The following NAPEPLD variants were observed in gnomAD, a reference collection of about 807,000 sequenced individuals.
NAPEPLD encodes the protein N-acyl phosphatidylethanolamine phospholipase D, also known as N-acyl-phosphatidylethanolamine-hydrolyzing phospholipase D.
NAPEPLD carries 23 observed loss-of-function variants against 38.1 expected under a neutral mutation model. The ratio of observed to expected loss-of-function variants is 0.60; its 90% CI spans 0.43 to 0.86. NAPEPLD has a LOEUF of 0.86. NAPEPLD is among the 40% of genes least tolerant of loss of function. NAPEPLD has a pLI of 0.00. For synonymous variants in NAPEPLD, 147 were observed against 162.0 expected (o/e 0.91, Z 0.71); for missense variants, 411 against 476.8 (o/e 0.86, Z 1.28).
intron 2 of NAPEPLD, chr7:103,128,212 T>C (rs936194395): frequency 6.9e-6 from 3 of 437,634 alleles, no homozygotes; most frequent in Non-Finnish European, 1.2e-5. Context: ...TCACCTCCTC[T>C]GTGAAGCCAT....
intron 4 of NAPEPLD, among the ~76,000 whole-genome samples, chr7:103,109,574 A>C (rs1804097944): frequency 6.6e-6 from 1 of 152,238 alleles, no homozygotes; most frequent in Non-Finnish European, 1.5e-5. Flanking sequence ...ACAATGTACC[A>C]GAATCTCTGG....
Position 103,148,953 on chromosome 7 carries a change from A to G in NAPEPLD, c.-159T>C. On this transcript the variant is annotated 5_prime_UTR_variant, in exon 1 of 5. Coordinates refer to ENST00000465647, the MANE Select transcript of NAPEPLD (RefSeq NM_001122838.3). ...CAGCTTCAGAGATGCAGGCTCCGCA[A>G]CTCGCGAGGTGCGAAAATTCAAATG... 1 of 985,322 alleles carries G rather than the reference A, an allele frequency of 1.0e-6. No individual in the cohort carries two copies. The highest frequency in any genetic ancestry group is 1.2e-6 in the Non-Finnish European group (1 of 829,920). The allele number at this position is 985,322 out of a possible 1,614,324, so 61.0% of individuals were successfully genotyped here. A position where few individuals can be genotyped will look rare whatever the true frequency, so the allele number is the denominator to read the frequency against.
intron 4 of NAPEPLD, among the ~76,000 whole-genome samples, chr7:103,111,997 GA>G (rs201684120): frequency 9.5e-5 from 14 of 147,882 alleles, no homozygotes; most frequent in East Asian, 5.9e-4. Context: ...ACAAACATAT[GA>G]AAAAAAAAAC....
intron 3 of NAPEPLD, 93 bp from the exon 4 acceptor site, chr7:103,115,267 G>A (rs749806119): frequency 1.1e-4 from 94 of 865,496 alleles, no homozygotes; most frequent in Non-Finnish European, 1.6e-4. Context: ...AAGATTCTGC[G>A]CAGGACTATG....
At chr7:103,118,386 A>G (rs1245981223) in intron 3 of NAPEPLD, among the ~76,000 whole-genome samples, 1 of 152,244 alleles carries the variant, frequency 6.6e-6, no homozygotes, top group Non-Finnish European at 1.5e-5. Flanking sequence ...ATTATCAAGA[A>G]CCAAAAAAGG....
intron 3 of NAPEPLD, among the ~76,000 whole-genome samples, chr7:103,115,720 TGAG>T (rs1210575021): frequency 6.6e-6 from 1 of 152,150 alleles, no homozygotes; most frequent in Non-Finnish European, 1.5e-5. Flanking sequence ...TACTGCTCCT[TGAG>T]GAGCAGTGCT....
chr7:103,115,488 AT>A (rs1333385971), intron 3 of NAPEPLD: 1 of 224,054 alleles, frequency 4.5e-6, no homozygotes, highest in Non-Finnish European at 8.6e-6. Flanking sequence ...ACAAATTGCT[AT>A]AAAATAAGTA....
chr7:103,128,888 A>C, intron 1 of NAPEPLD, 96 bp from the exon 2 acceptor site: 5 of 1,279,978 alleles, frequency 3.9e-6, no homozygotes, highest in Non-Finnish European at 5.3e-6. Flanking sequence ...ATTTCTCTAA[A>C]CTTATAAAAA....
rs141112494 is a variant in NAPEPLD at position 103,128,613 on chromosome 7, G to T, written c.164C>A (p.Thr55Asn). 13 of 1,614,040 alleles carry T rather than the reference G, an allele frequency of 8.1e-6. No homozygotes were observed. In the African/African-American group the frequency reaches 1.3e-4, roughly 17 times the overall value. ...KLDYRLEEDV[T>N]KSKKGKDGRF... ...CCCATCTTTTCCTTTCTTGGATTTAGTTACATCTTCTTCTAGTCTATAATC... is the reference window on the plus strand; with the variant it reads ...CCCATCTTTTCCTTTCTTGGATTTATTTACATCTTCTTCTAGTCTATAATC... Residue 55 changes from threonine to asparagine, a missense_variant, in exon 2 of 5, where the codon ACT (threonine) becomes AAT (asparagine). Transcript: ENST00000465647.
Position 103,103,431 on chromosome 7 carries a change from A to G in NAPEPLD, c.1180T>C (p.Ter394GlnextTer1), listed in dbSNP as rs895062204. The G allele has an allele frequency of 2.6e-6, 4 of 1,556,362 alleles. No individual in the cohort carries two copies. Among genetic ancestry groups the G allele is most frequent in the Middle Eastern group, 2.3e-4 (1 of 4,310 alleles). ...AAAAGTGCCTGTGCTCACATTTATT[A>G]AAAGTTTTCATCATCATTATTTAGG... Reference protein sequence around the residue: ...RYLNNDDENF* With the variant: ...RYLNNDDENFQ The change falls in exon 5 of 5, where the codon TAA becomes CAA. Residue 394 changes from the stop codon to glutamine (Q), a stop_lost. Coordinates refer to ENST00000465647, the MANE Select transcript of NAPEPLD (RefSeq NM_001122838.3).
intron 3 of NAPEPLD, among the ~76,000 whole-genome samples, chr7:103,117,309 A>G (rs368223726): frequency 3.3e-5 from 5 of 152,342 alleles, no homozygotes; most frequent in South Asian, 2.1e-4. Flanking sequence ...CTGTTCTGCC[A>G]TATCTCCTGA....
At chr7:103,149,203 C>G, upstream of NAPEPLD, 3 of 996,574 alleles carry the variant, frequency 3.0e-6, no homozygotes, top group Non-Finnish European at 3.6e-6. Flanking sequence ...AACCACGGAG[C>G]TCCGGACACT....
chr7:103,132,205 C>G (rs2129531977), intron 1 of NAPEPLD, among the ~76,000 whole-genome samples: 1 of 152,318 alleles, frequency 6.6e-6, no homozygotes, highest in East Asian at 1.9e-4. Flanking sequence ...CACTGAACCA[C>G]CATGCCACAT....
At chr7:103,140,502 C>T (rs1401840504) in intron 1 of NAPEPLD, among the ~76,000 whole-genome samples, 2 of 148,656 alleles carry the variant, frequency 1.3e-5, no homozygotes, top group African/African-American at 2.5e-5. Flanking sequence ...ACGTCATTCT[C>T]CTGCCTCAGC....
chr7:103,141,133 T>C (rs1036355180), intron 1 of NAPEPLD, among the ~76,000 whole-genome samples: 1 of 151,980 alleles, frequency 6.6e-6, no homozygotes, highest in African/African-American at 2.4e-5. Flanking sequence ...TGATTTCCAG[T>C]GTGTGACAGA....
At chr7:103,147,542 A>G (rs1812810973) in intron 1 of NAPEPLD, among the ~76,000 whole-genome samples, 2 of 152,176 alleles carry the variant, frequency 1.3e-5, no homozygotes, top group South Asian at 4.1e-4. Flanking sequence ...ACACAGACTA[A>G]ATGTTCATAA....
chr7:103,105,878 C>T (rs1014095313), intron 4 of NAPEPLD, among the ~76,000 whole-genome samples: 3 of 144,260 alleles, frequency 2.1e-5, no homozygotes, highest in South Asian at 2.3e-4. Context: ...GGTTGCAGCG[C>T]GCCGAGATCG....
At position 103,145,221 on chromosome 7, in the gene NAPEPLD, A is replaced by C. The variant is rs571455741; in HGVS notation, c.-17+3590T>G. On this transcript the variant is annotated intron_variant, in intron 1 of 4. Transcript: ENST00000465647. ...GGTGGCTAAGCAAAAGAAAAAAATT[A>C]TAATGCTATACGTAATCAGGCTTAA... is the stretch of plus-strand genomic sequence containing the variant. Among the ~76,000 whole-genome samples, 3 of 152,372 alleles carry C rather than the reference A, an allele frequency of 2.0e-5. No homozygotes were observed. In the South Asian group the frequency reaches 6.2e-4, roughly 32 times the overall value.
chr7:103,118,625 T>C (rs945292942), intron 3 of NAPEPLD, among the ~76,000 whole-genome samples: 4 of 152,268 alleles, frequency 2.6e-5, no homozygotes, highest in Non-Finnish European at 5.9e-5. Flanking sequence ...TTGTTGTATG[T>C]ATCTGTCCAT....
Sources: gnomAD v4.1 joint callset for allele counts (sites outside exome capture counted in the v4.1 genomes callset) on GRCh38, gnomAD v4.1.1 for gene constraint, MANE v1.5 for transcripts, NCBI Gene and HGNC (gene_info 2026-07-23, HGNC 2026-07-21) for gene names.